The following SAE1 variants were observed in gnomAD, a reference collection of about 807,000 sequenced individuals.
SAE1 encodes the protein SUMO1 activating enzyme subunit 1, also known as SUMO-activating enzyme subunit 1.
SAE1 carries 11 observed loss-of-function variants against 40.6 expected under a neutral mutation model. The ratio of observed to expected loss-of-function variants is 0.27; its 90% CI spans 0.17 to 0.45. SAE1 has a LOEUF of 0.45. Ranked by LOEUF, SAE1 falls within the 20% of genes least tolerant of loss-of-function variation. The pLI, the probability that SAE1 is intolerant of heterozygous loss-of-function variation, is 1.00. For missense variants in SAE1, 373 were observed against 427.3 expected (o/e 0.87, Z 1.12); for synonymous variants, 155 against 154.3 (o/e 1.00, Z -0.03).
In SAE1 at chr19:47,171,495, G is replaced by C. The variant is rs368543363; in HGVS notation, c.733+1572G>C. 1.1e-4 allele frequency among the ~76,000 whole-genome samples: 16 copies of C among 151,308 alleles called. No individual in the cohort carries two copies. The East Asian group carries it at 2.2e-3, about 20-fold the overall frequency. ...TTTTGAGATGGAGTCTCACTCTGTT[G>C]CCCAGGAGAGCAGTGGCGTGATCTT... On this transcript the variant is annotated intron_variant, in intron 6 of 8. Transcript: ENST00000270225.
chr19:47,191,729 A>G (rs907361822), intron 6 of SAE1, among the ~76,000 whole-genome samples: 1 of 151,942 alleles, frequency 6.6e-6, no homozygotes, highest in South Asian at 2.1e-4. Context: ...AGCTGTTACC[A>G]CAAAGCTTTT....
intron 8 of SAE1, among the ~76,000 whole-genome samples, chr19:47,204,500 A>C (rs1029443946): frequency 0.016 from 1,524 of 97,416 alleles, no homozygotes; most frequent in Middle Eastern, 0.038. Flanking sequence ...ACCCAGCCGC[A>C]CCCCCCCCCT....
At chr19:47,204,502 C>CT (rs1442600404) in intron 8 of SAE1, among the ~76,000 whole-genome samples, 3 of 137,754 alleles carry the variant, frequency 2.2e-5, no homozygotes, top group African/African-American at 8.4e-5. Flanking sequence ...CCAGCCGCAC[C>CT]CCCCCCCTTT....
rs955766736 is a variant in SAE1 at position 47,130,857 on chromosome 19, C to T, written c.-74C>T. 2 of 1,542,286 alleles carry T rather than the reference C, an allele frequency of 1.3e-6. No individual in the cohort carries two copies. Among genetic ancestry groups the T allele is most frequent in the South Asian group, 1.2e-5 (1 of 83,390 alleles). On this transcript the variant is annotated 5_prime_UTR_variant, in exon 1 of 9. Coordinates refer to ENST00000270225, the MANE Select transcript of SAE1 (RefSeq NM_005500.3). ...AGCACTCCGGGCGTGCTGCCGGCGG[C>T]GGTAGGTGGCGCGCGGGTCCGGCGG...
chr19:47,137,398 T>TAAATA (rs554075792), intron 1 of SAE1, among the ~76,000 whole-genome samples: 1 of 151,888 alleles, frequency 6.6e-6, no homozygotes, highest in African/African-American at 2.4e-5. Context: ...CAAAAATAAA[T>TAAATA]AAATAAAATA....
chr19:47,151,828 T>C (rs1455571907), intron 3 of SAE1, among the ~76,000 whole-genome samples: 1 of 152,250 alleles, frequency 6.6e-6, no homozygotes, highest in Non-Finnish European at 1.5e-5. Context: ...TTGTTAAAAC[T>C]GAAGTGTGAG....
Position 47,200,858 on chromosome 19 carries a change from G to T in SAE1, c.879-2813G>T, listed in dbSNP as rs185911281. On this transcript the variant is annotated intron_variant, in intron 7 of 8. Transcript: ENST00000270225. ...AAATATTTTATTATCTGGTTCTTTT[G>T]TTTGTTTGTTTGTTTTTGAGACAAA... 2.6e-3 allele frequency among the ~76,000 whole-genome samples: 401 copies of T among 151,846 alleles called. 4 individuals are homozygous for T. Among genetic ancestry groups the T allele is most frequent in the African/African-American group, 9.3e-3 (386 of 41,400 alleles).
At chr19:47,151,278 T>C (rs1351541640) in intron 3 of SAE1, among the ~76,000 whole-genome samples, 1 of 151,728 alleles carries the variant, frequency 6.6e-6, no homozygotes, top group African/African-American at 2.4e-5. Context: ...GCCTCCCAAG[T>C]AGCTAGGATT....
At chr19:47,142,032 G>C (rs1245560719) in intron 1 of SAE1, among the ~76,000 whole-genome samples, 1 of 152,024 alleles carries the variant, frequency 6.6e-6, no homozygotes, top group East Asian at 1.9e-4. Flanking sequence ...TCTTGGGATG[G>C]CCTGACCTCT....
At chr19:47,146,107 C>G (rs1430501125) in intron 2 of SAE1, among the ~76,000 whole-genome samples, 2 of 151,932 alleles carry the variant, frequency 1.3e-5, no homozygotes, top group African/African-American at 4.8e-5. Context: ...ACAAAGGCAC[C>G]CTACAGTGTG....
rs562321478 is a variant in SAE1, at chr19:47,193,040, G to A, written c.734-4193G>A. On this transcript the variant is annotated intron_variant, in intron 6 of 8. Coordinates refer to ENST00000270225, the MANE Select transcript of SAE1 (RefSeq NM_005500.3). ...ATCAGTGCTCTCTGGCATCCAGATC[G>A]TCTAGATGGTCACAGCCTTTTTTTT... Among the ~76,000 whole-genome samples, 334 of 150,914 alleles carry A rather than the reference G, an allele frequency of 2.2e-3. 1 individual carries two copies. The highest frequency in any genetic ancestry group is 6.6e-3 in the African/African-American group (270 of 41,086).
chr19:47,154,076 AG>A (rs1319399063), intron 4 of SAE1, among the ~76,000 whole-genome samples: 1 of 144,850 alleles, frequency 6.9e-6, no homozygotes, highest in Non-Finnish European at 1.5e-5. Flanking sequence ...CACAGGCGTG[AG>A]CCACCGCACC....
At chr19:47,131,099 G>A (rs1180460991) in intron 1 of SAE1, 71 bp downstream of exon 1, 6 of 1,454,144 alleles carry the variant, frequency 4.1e-6, no homozygotes, top group Admixed American at 5.8e-5. Flanking sequence ...TTGCGGCCCG[G>A]AAGGAGCGGG....
At chr19:47,176,366 TC>T (rs1311291456) in intron 6 of SAE1, among the ~76,000 whole-genome samples, 5 of 152,360 alleles carry the variant, frequency 3.3e-5, no homozygotes, top group Non-Finnish European at 4.4e-5. Flanking sequence ...CCTTAGGAAT[TC>T]CTAGTGGGGA....
At chr19:47,131,080 C>G (rs1315672204) in intron 1 of SAE1, 52 bp downstream of exon 1, 3 of 1,466,896 alleles carry the variant, frequency 2.0e-6, no homozygotes, top group Non-Finnish European at 1.8e-6. Context: ...GGCGTCTATT[C>G]TGAGGCGTTT....
chr19:47,190,532 C>T (rs541110243), intron 6 of SAE1, among the ~76,000 whole-genome samples: 5 of 152,248 alleles, frequency 3.3e-5, no homozygotes, highest in African/African-American at 9.6e-5. Context: ...AAAAAGACAG[C>T]TTCTGTTTGT....
At chr19:47,131,487 T>C (rs1251874073) in intron 1 of SAE1, among the ~76,000 whole-genome samples, 1 of 151,990 alleles carries the variant, frequency 6.6e-6, no homozygotes, top group Non-Finnish European at 1.5e-5. Flanking sequence ...CTTACACTCT[T>C]GTGGGAGCTC....
At chr19:47,156,796 G>T (rs1354344793) in intron 5 of SAE1, among the ~76,000 whole-genome samples, 1 of 152,142 alleles carries the variant, frequency 6.6e-6, no homozygotes, top group Non-Finnish European at 1.5e-5. Context: ...CCTCTATTTG[G>T]ATTAGGTGCA....
chr19:47,144,924 C>T (rs950552827), intron 2 of SAE1, among the ~76,000 whole-genome samples: 3 of 152,120 alleles, frequency 2.0e-5, no homozygotes, highest in Non-Finnish European at 2.9e-5. Flanking sequence ...CTCCGCTTCC[C>T]GGGCTCAAGT....
Sources: gnomAD v4.1 joint callset for allele counts (sites outside exome capture counted in the v4.1 genomes callset) on GRCh38, gnomAD v4.1.1 for gene constraint, MANE v1.5 for transcripts, NCBI Gene and HGNC (gene_info 2026-07-23, HGNC 2026-07-21) for gene names.